CCDC3: variants seen among roughly 807,000 people sequenced by gnomAD.
The protein encoded by CCDC3 is coiled-coil domain containing 3, also known as coiled-coil domain-containing protein 3.
A neutral mutation model predicts 21.4 loss-of-function variants in CCDC3; 24 were observed. The observed-to-expected ratio is 1.12, with a 90% CI of 0.81 to 1.58. The LOEUF is 1.58. Ranked by LOEUF, CCDC3 falls within the 40% of genes most tolerant of loss-of-function variation. CCDC3 has a pLI of 0.00. For synonymous variants in CCDC3, 186 were observed against 166.0 expected (o/e 1.12, Z -0.93); for missense variants, 425 against 360.9 (o/e 1.18, Z -1.44).
chr10:12,993,509 A>C (rs954488723), intron 2 of CCDC3, among the ~76,000 whole-genome samples: 2 of 152,218 alleles, frequency 1.3e-5, no homozygotes, highest in African/African-American at 2.4e-5. Flanking sequence ...ACAGACTGAC[A>C]TAAGTATGGG....
At chr10:12,937,454 A>C (rs1456888925) in intron 2 of CCDC3, among the ~76,000 whole-genome samples, 1 of 152,102 alleles carries the variant, frequency 6.6e-6, no homozygotes, top group African/African-American at 2.4e-5. Context: ...TTCTATCTCA[A>C]TGTACTGTGT....
chr10:12,951,270 G>T (rs926315586), intron 2 of CCDC3, among the ~76,000 whole-genome samples: 1 of 152,058 alleles, frequency 6.6e-6, no homozygotes, highest in African/African-American at 2.4e-5. Context: ...CAGGTACTCG[G>T]GAGGCTGAAG....
chr10:12,928,296 G>A (rs776588403), intron 2 of CCDC3, among the ~76,000 whole-genome samples: 2 of 152,050 alleles, frequency 1.3e-5, no homozygotes, highest in African/African-American at 4.8e-5. Flanking sequence ...GGGAAGAAAA[G>A]GTTCAAAAAG....
intron 4 of CCDC3, among the ~76,000 whole-genome samples, chr10:13,062,571 A>C (rs959123825): frequency 1.4e-4 from 22 of 152,180 alleles, no homozygotes; most frequent in African/African-American, 5.3e-4. Flanking sequence ...ATCTAAAGAG[A>C]TAAGCAAGAC....
intron 2 of CCDC3, among the ~76,000 whole-genome samples, chr10:12,922,834 T>C (rs1388586355): frequency 2.6e-5 from 4 of 152,164 alleles, no homozygotes; most frequent in East Asian, 3.8e-4. Context: ...TAGTATGGGA[T>C]GTACAGAAAG....
chr10:12,996,844 C>T (rs1835768877), intron 2 of CCDC3, among the ~76,000 whole-genome samples: 1 of 152,108 alleles, frequency 6.6e-6, no homozygotes, highest in South Asian at 2.1e-4. Context: ...AACCCAAACA[C>T]TGCATGTTCT....
chr10:13,060,771 G>T lies in CCDC3; in HGVS notation c.-269-10830C>A, dbSNP rs570437110. Among the ~76,000 whole-genome samples, 6 of 152,264 alleles carry T rather than the reference G, an allele frequency of 3.9e-5. No individual in the cohort carries two copies. The South Asian group carries it at 1.0e-3, about 26-fold the overall frequency. On this transcript the variant is annotated intron_variant, in intron 4 of 6. Coordinates refer to the CCDC3 transcript ENST00000378839. ...TCCTCCCTCTTCGGCCTCCCAAAGTGCTAGGATTACAGGTGTGAGCCACCA... is the reference window on the plus strand; with the variant it reads ...TCCTCCCTCTTCGGCCTCCCAAAGTTCTAGGATTACAGGTGTGAGCCACCA...
intron 3 of CCDC3, among the ~76,000 whole-genome samples, chr10:13,078,858 C>T (rs4282892): frequency 0.78 from 108,337 of 138,330 alleles, 40,831 homozygotes; most frequent in Middle Eastern, 0.83. Flanking sequence ...CGGGGCCTGT[C>T]GTGGGGTGGG....
At chr10:13,028,144 T>C (rs1836248670) in intron 5 of CCDC3, among the ~76,000 whole-genome samples, 1 of 152,168 alleles carries the variant, frequency 6.6e-6, no homozygotes, top group Admixed American at 6.5e-5. Flanking sequence ...TCCCCATGTG[T>C]CATGAGAGGG....
chr10:12,968,315 A>G (rs894531872), intron 2 of CCDC3, among the ~76,000 whole-genome samples: 2 of 152,206 alleles, frequency 1.3e-5, no homozygotes, highest in African/African-American at 4.8e-5. Context: ...GTAGAAACCT[A>G]AGCCGTGAAA....
chr10:13,026,155 G>C (rs553906091), intron 5 of CCDC3, among the ~76,000 whole-genome samples: 3 of 152,280 alleles, frequency 2.0e-5, no homozygotes, highest in African/African-American at 7.2e-5. Context: ...ACTCCAGCCT[G>C]TGTGACAAAA....
At chr10:12,994,425 ACACCCAGCACCCAG>A (rs200207241) in intron 2 of CCDC3, among the ~76,000 whole-genome samples, 2 of 151,388 alleles carry the variant, frequency 1.3e-5, no homozygotes, top group Non-Finnish European at 2.9e-5. Flanking sequence ...AAAAAAAAAA[ACACCCAGCACCCAG>A]CACCCAGCAC....
intron 2 of CCDC3, among the ~76,000 whole-genome samples, chr10:12,942,018 C>G (rs1233689817): frequency 1.3e-5 from 2 of 152,182 alleles, no homozygotes; most frequent in African/African-American, 4.8e-5. Context: ...ACCCTTCTTT[C>G]TTTCTTTAGG....
At chr10:13,074,990 C>T (rs371538651) in intron 3 of CCDC3, among the ~76,000 whole-genome samples, 1 of 152,168 alleles carries the variant, frequency 6.6e-6, no homozygotes, top group Non-Finnish European at 1.5e-5. Flanking sequence ...ATCCCAGCCG[C>T]GGCCAGTCAC....
intron 2 of CCDC3, among the ~76,000 whole-genome samples, chr10:12,940,229 GTTTTTTTTTTTT>G (rs34664068): frequency 9.5e-6 from 1 of 105,218 alleles, no homozygotes; most frequent in Non-Finnish European, 2.0e-5. Flanking sequence ...CATTGAAATT[GTTTTTTTTTTTT>G]TTTTTTTTCC....
chr10:12,986,906 G>C (rs1476433439), intron 2 of CCDC3, among the ~76,000 whole-genome samples: 3 of 152,094 alleles, frequency 2.0e-5, no homozygotes, highest in Admixed American at 2.0e-4. Context: ...ACTTTCATTT[G>C]ATGGCAAAAC....
intron 3 of CCDC3, among the ~76,000 whole-genome samples, chr10:13,081,031 A>G (rs1490933270): frequency 6.6e-6 from 1 of 152,246 alleles, no homozygotes; most frequent in South Asian, 2.1e-4. Flanking sequence ...AGGCATCACC[A>G]TGGGGCCTCA....
intron 2 of CCDC3, among the ~76,000 whole-genome samples, chr10:12,932,365 T>G (rs905266145): frequency 3.9e-5 from 6 of 152,194 alleles, no homozygotes; most frequent in Non-Finnish European, 7.3e-5. Context: ...TTGGACAAAA[T>G]AATCTAACAC....
chr10:13,072,867 C>CTT lies in CCDC3; in HGVS notation c.-270+999_-270+1000dup, dbSNP rs144915227. Among the ~76,000 whole-genome samples the CTT allele has an allele frequency of 2.7e-3, 315 of 118,000 alleles. 12 individuals carry two copies. In the East Asian group the frequency reaches 0.056, roughly 21 times the overall value. 77.4% of individuals were successfully genotyped at this position (118,000 alleles called of 152,430 possible). On this transcript the variant is annotated intron_variant, in intron 4 of 6. Transcript: ENST00000378839. ...TCATTTCTTTTCTTTTCTTTTCTTT[C>CTT]TTTTTTTTTTTTTTTTTGAGACAGA...
Sources: allele counts gnomAD v4.1 joint callset (sites outside exome capture counted in the v4.1 genomes callset), GRCh38; gene constraint gnomAD v4.1.1; transcripts MANE v1.5; gene names NCBI Gene and HGNC (gene_info 2026-07-23, HGNC 2026-07-21).